The following FAM171A1 variants were observed in gnomAD, a reference collection of about 807,000 sequenced individuals.
FAM171A1 encodes protein FAM171A1.
In FAM171A1, 23 loss-of-function variants were observed where a neutral mutation model predicts 74.9. The observed-to-expected ratio is 0.31, with a 90% CI of 0.22 to 0.44. The LOEUF (loss-of-function observed/expected upper bound fraction) is 0.44, where lower values mean the gene tolerates loss of function less well. Ranked by LOEUF, FAM171A1 falls within the 20% of genes least tolerant of loss-of-function variation. The pLI is 1.00. For missense variants in FAM171A1, 1,162 were observed against 1,159.2 expected (o/e 1.00, Z -0.03); for synonymous variants, 527 against 505.7 (o/e 1.04, Z -0.57).
chr10:15,218,404 G>T (rs551582804), intron 6 of FAM171A1, among the ~76,000 whole-genome samples: 5 of 152,254 alleles, frequency 3.3e-5, no homozygotes, highest in African/African-American at 1.2e-4. Flanking sequence ...ATCTCTGCCA[G>T]TACGATTCTT....
Position 15,355,415 on chromosome 10 carries a change from G to C in FAM171A1, c.97+15541C>G, listed in dbSNP as rs567764478. Among the ~76,000 whole-genome samples the C allele has an allele frequency of 2.6e-5, 4 of 152,182 alleles. No homozygotes were observed. The South Asian group carries it at 6.2e-4, about 24-fold the overall frequency. On this transcript the variant is annotated intron_variant, in intron 1 of 7. Transcript: ENST00000378116. ...ATATCAACAGTTGCACCTTCCAAAC[G>C]GCAAATGTACTTGGGTTTCCTTCCA...
intron 1 of FAM171A1, among the ~76,000 whole-genome samples, chr10:15,335,213 C>A (rs1475287285): frequency 6.6e-6 from 1 of 152,164 alleles, no homozygotes; most frequent in Non-Finnish European, 1.5e-5. Flanking sequence ...CACTGCATTC[C>A]AGCCTGGGCG....
chr10:15,285,115 G>C (rs139209624), intron 1 of FAM171A1, among the ~76,000 whole-genome samples: 1 of 152,302 alleles, frequency 6.6e-6, no homozygotes, highest in African/African-American at 2.4e-5. Context: ...TCTGTGCCTA[G>C]AATTGTAACT....
chr10:15,335,984 T>C (rs1435037960), intron 1 of FAM171A1, among the ~76,000 whole-genome samples: 1 of 152,206 alleles, frequency 6.6e-6, no homozygotes, highest in Admixed American at 6.5e-5. Context: ...TTTTAATCCC[T>C]GCAAGTGACC....
chr10:15,301,575 G>C (rs1465919431), intron 1 of FAM171A1, among the ~76,000 whole-genome samples: 2 of 152,064 alleles, frequency 1.3e-5, no homozygotes, highest in East Asian at 3.9e-4. Context: ...CAAAGAGCAG[G>C]CATGCTTGGT....
rs1012917512 is a variant in FAM171A1 at position 15,212,851 on chromosome 10, G to A, written c.*64C>T. On this transcript the variant is annotated 3_prime_UTR_variant, in exon 8 of 8. Transcript: ENST00000378116. ...TTCCGTTTCCTCCACGAACGGGTAC[G>A]CGCTTCCATGAGAAAGGATATTTGG... The A allele has an allele frequency of 4.2e-5, 66 of 1,587,870 alleles. No individual in the cohort carries two copies. Among genetic ancestry groups the A allele is most frequent in the Non-Finnish European group, 5.6e-5 (65 of 1,169,480 alleles).
At chr10:15,304,725 C>T (rs1835273360) in intron 1 of FAM171A1, among the ~76,000 whole-genome samples, 1 of 151,960 alleles carries the variant, frequency 6.6e-6, no homozygotes, top group Non-Finnish European at 1.5e-5. Flanking sequence ...AACTTCCCTC[C>T]CTCTCTCCCT....
rs1833913257 is a variant in FAM171A1, at chr10:15,213,086, C to T, written c.2502G>A (p.Glu834=). 1 of 1,613,606 alleles carries T rather than the reference C, an allele frequency of 6.2e-7. No individual in the cohort carries two copies. Among genetic ancestry groups the T allele is most frequent in the African/African-American group, 1.3e-5 (1 of 74,898 alleles). ...SGGQLPSLQE[E]TTRRTADAPS... Reference sequence around the variant, plus strand: ...GGGCATCCGCAGTCCGTCTGGTCGTCTCCTCCTGCAGGCTGGGCAGCTGGC... The same window carrying T: ...GGGCATCCGCAGTCCGTCTGGTCGTTTCCTCCTGCAGGCTGGGCAGCTGGC... Residue 834 remains glutamate, a synonymous_variant, in exon 8 of 8, where the codon GAG becomes GAA. Transcript: ENST00000378116. This position sits in a 1 kb window ranked among gnomAD's most constrained non-coding sequence, Gnocchi z 6.8.
At chr10:15,328,283 C>T (rs1366987859) in intron 1 of FAM171A1, among the ~76,000 whole-genome samples, 1 of 151,972 alleles carries the variant, frequency 6.6e-6, no homozygotes, top group Non-Finnish European at 1.5e-5. Context: ...TAGCTGGGAT[C>T]ACAGGCGCCC....
At chr10:15,319,741 G>A (rs578221970) in intron 1 of FAM171A1, among the ~76,000 whole-genome samples, 4 of 152,132 alleles carry the variant, frequency 2.6e-5, no homozygotes, top group Non-Finnish European at 4.4e-5. Context: ...TCTGTCCAGG[G>A]ATTTTGAACC....
chr10:15,357,524 G>T (rs1167596403), intron 1 of FAM171A1, among the ~76,000 whole-genome samples: 1 of 152,180 alleles, frequency 6.6e-6, no homozygotes, highest in African/African-American at 2.4e-5. Flanking sequence ...GAAATATTTG[G>T]CACCTTGATA....
chr10:15,230,432 T>C (rs1365117198), intron 5 of FAM171A1, among the ~76,000 whole-genome samples: 1 of 152,244 alleles, frequency 6.6e-6, no homozygotes, highest in Non-Finnish European at 1.5e-5. Flanking sequence ...GGTTGGATTC[T>C]CATAGCTGTA....
chr10:15,234,852 C>T (rs549363937), intron 5 of FAM171A1, among the ~76,000 whole-genome samples: 39 of 151,956 alleles, frequency 2.6e-4, no homozygotes, highest in Admixed American at 1.9e-3. Flanking sequence ...TTAGTAGAGA[C>T]GGGGTTTCAC....
chr10:15,234,009 A>T (rs531221668), intron 5 of FAM171A1, among the ~76,000 whole-genome samples: 1 of 152,230 alleles, frequency 6.6e-6, no homozygotes, highest in South Asian at 2.1e-4. Context: ...CTTGGAAGGG[A>T]GATTTTACAG....
At position 15,321,039 on chromosome 10, in the gene FAM171A1, T is replaced by C. The variant is rs555429003; in HGVS notation, c.98-36934A>G. Among the ~76,000 whole-genome samples the C allele has an allele frequency of 4.5e-4, 69 of 152,358 alleles. 1 individual carries two copies. The highest frequency in any genetic ancestry group is 1.7e-3 in the African/African-American group (69 of 41,584). On this transcript the variant is annotated intron_variant, in intron 1 of 7. Coordinates refer to ENST00000378116, the MANE Select transcript of FAM171A1 (RefSeq NM_001010924.2). ...AGCCAGGATCACTGTCAAGTTTATG[T>C]TGGCTTATTTGACATCTGGTCATTT... is the stretch of plus-strand genomic sequence containing the variant.
At chr10:15,271,495 C>A (rs1326722252) in intron 3 of FAM171A1, among the ~76,000 whole-genome samples, 1 of 152,138 alleles carries the variant, frequency 6.6e-6, no homozygotes, top group African/African-American at 2.4e-5. Flanking sequence ...CCCAACCTAG[C>A]AAGGCAGGCC....
At position 15,233,560 on chromosome 10, in the gene FAM171A1, G is replaced by GT. The variant is rs1834238621; in HGVS notation, c.755-12501dup. Among the ~76,000 whole-genome samples the GT allele has an allele frequency of 3.3e-5, 5 of 150,828 alleles. No individual in the cohort carries two copies. In the Admixed American group the frequency reaches 3.3e-4, roughly 10 times the overall value. On this transcript the variant is annotated intron_variant, in intron 5 of 7. Transcript: ENST00000378116. ...TGTGTGTGTGTGTGTGTGTGTGCAT[G>GT]TGTGTGCGTAAAAATAATTTTAAAG...
chr10:15,369,755 G>A (rs1400884862), intron 1 of FAM171A1, among the ~76,000 whole-genome samples: 1 of 152,224 alleles, frequency 6.6e-6, no homozygotes, highest in Non-Finnish European at 1.5e-5. Flanking sequence ...CCCTGAGCAT[G>A]TTAGCCGAGG....
At chr10:15,373,325 A>C (rs981792565), upstream of FAM171A1, among the ~76,000 whole-genome samples, 1 of 152,178 alleles carries the variant, frequency 6.6e-6, no homozygotes, top group Non-Finnish European at 1.5e-5. Flanking sequence ...AATATATGGC[A>C]CTCACTGAAC....
Sources: gnomAD v4.1 joint callset for allele counts (sites outside exome capture counted in the v4.1 genomes callset) on GRCh38, gnomAD v4.1.1 for gene constraint, Gnocchi (gnomAD v3.1) non-coding constraint, MANE v1.5 for transcripts, NCBI Gene and HGNC (gene_info 2026-07-23, HGNC 2026-07-21) for gene names.